Variants in WIF1 observed in about 807,000 individuals in gnomAD.
The protein encoded by WIF1 is Wnt inhibitory factor 1.
WIF1 carries 35 observed loss-of-function variants against 53.5 expected under a neutral mutation model. That is an observed-to-expected ratio of 0.65 (90% confidence interval 0.50 to 0.87). WIF1 has a LOEUF of 0.87. Ranked by LOEUF, WIF1 falls within the 40% of genes least tolerant of loss-of-function variation. The pLI is 0.00. For synonymous variants in WIF1, 171 were observed against 170.4 expected (o/e 1.00, Z -0.03); for missense variants, 467 against 476.8 (o/e 0.98, Z 0.19).
intron 7 of WIF1, among the ~76,000 whole-genome samples, chr12:65,056,471 C>T (rs1193653109): frequency 2.8e-5 from 4 of 142,242 alleles, no homozygotes; most frequent in Admixed American, 7.5e-5. Flanking sequence ...GTGATCCGCC[C>T]GCCTTGGCCT....
chr12:65,111,414 C>T (rs1040005282), intron 2 of WIF1, among the ~76,000 whole-genome samples: 2 of 152,124 alleles, frequency 1.3e-5, no homozygotes, highest in Admixed American at 6.5e-5. Flanking sequence ...TAGAAGATAG[C>T]CCTGGTTACC....
chr12:65,110,398 TA>T (rs1373915120), intron 2 of WIF1, among the ~76,000 whole-genome samples: 1 of 152,166 alleles, frequency 6.6e-6, no homozygotes, highest in Non-Finnish European at 1.5e-5. Flanking sequence ...CTCAGCTCAT[TA>T]AACAGCTTCA....
chr12:65,116,622 C>A (rs904618912), intron 2 of WIF1, among the ~76,000 whole-genome samples: 3 of 151,182 alleles, frequency 2.0e-5, no homozygotes, highest in African/African-American at 7.3e-5. Flanking sequence ...CTGAAACCAT[C>A]CCCCATCCTG....
rs553890129 is a variant in WIF1, at chr12:65,087,927, T to C, written c.289-10073A>G. Among the ~76,000 whole-genome samples, 5 of 152,314 alleles carry C rather than the reference T, an allele frequency of 3.3e-5. No homozygotes were observed. The South Asian group carries it at 1.0e-3, about 32-fold the overall frequency. ...GAACAGTCATGTATTTGATAAATTT[T>C]ATTTTACACTTTAGAAAAAGTCATT... On this transcript the variant is annotated intron_variant, in intron 2 of 9. Coordinates refer to ENST00000286574, the MANE Select transcript of WIF1 (RefSeq NM_007191.5).
At chr12:65,117,850 G>A (rs1229071422) in intron 2 of WIF1, among the ~76,000 whole-genome samples, 1 of 152,188 alleles carries the variant, frequency 6.6e-6, no homozygotes, top group African/African-American at 2.4e-5. Flanking sequence ...CTGACAGGAG[G>A]CGGAGCTTAG....
chr12:65,064,664 A>T (rs1334828605), intron 6 of WIF1, among the ~76,000 whole-genome samples: 1 of 152,194 alleles, frequency 6.6e-6, no homozygotes. Context: ...AGAATAAAAA[A>T]ATTACTGGAG....
intron 3 of WIF1, among the ~76,000 whole-genome samples, chr12:65,071,800 A>G (rs1349760636): frequency 6.6e-6 from 1 of 152,194 alleles, no homozygotes; most frequent in South Asian, 2.1e-4. Flanking sequence ...AGAACTAGGA[A>G]ATAAAGTTTA....
chr12:65,109,851 G>A (rs1883404035), intron 2 of WIF1, among the ~76,000 whole-genome samples: 1 of 152,184 alleles, frequency 6.6e-6, no homozygotes, highest in African/African-American at 2.4e-5. Context: ...AAGATTCACT[G>A]TAAAGCACTT....
At chr12:65,086,550 C>T (rs567194554) in intron 2 of WIF1, among the ~76,000 whole-genome samples, 8 of 151,996 alleles carry the variant, frequency 5.3e-5, no homozygotes, top group African/African-American at 9.7e-5. Context: ...GAGAGCACAA[C>T]GACACATTTC....
chr12:65,055,336 T>C, intron 8 of WIF1, 123 bp from the exon 9 acceptor site: 1 of 1,072,326 alleles, frequency 9.3e-7, no homozygotes, highest in South Asian at 1.8e-5. Flanking sequence ...TAATTTTTTT[T>C]CCTAAGTCAG....
intron 2 of WIF1, among the ~76,000 whole-genome samples, chr12:65,090,317 G>A (rs1883103816): frequency 6.6e-6 from 1 of 152,108 alleles, no homozygotes; most frequent in Admixed American, 6.6e-5. Flanking sequence ...TTTACTAGCT[G>A]GCCTTGGGTA....
rs184997721 is a variant in WIF1, at chr12:65,063,409, G to T, written c.731-833C>A. Among the ~76,000 whole-genome samples, 37 of 152,314 alleles carry T rather than the reference G, an allele frequency of 2.4e-4. 1 individual carries two copies. The East Asian group carries it at 7.1e-3, about 29-fold the overall frequency. ...CTCATTCTATAAAGGAAATTAAAAT[G>T]AGAGCTTGGATTTTTAGCAATTCCA... is the stretch of plus-strand genomic sequence containing the variant. On this transcript the variant is annotated intron_variant, in intron 6 of 9. Coordinates refer to ENST00000286574, the MANE Select transcript of WIF1 (RefSeq NM_007191.5).
intron 2 of WIF1, among the ~76,000 whole-genome samples, chr12:65,108,709 GTCCTTAGTCAAGCATCCCATCATCTACC>G (rs542602634): frequency 7.9e-5 from 12 of 152,020 alleles, no homozygotes; most frequent in Non-Finnish European, 1.5e-4. Flanking sequence ...TTGGCTCCTT[GTCCTTAGTCAAGCATCCCATCATCTACC>G]TCCATCCGTC....
intron 2 of WIF1, among the ~76,000 whole-genome samples, chr12:65,102,972 G>T (rs910000540): frequency 2.0e-5 from 3 of 152,060 alleles, no homozygotes; most frequent in Non-Finnish European, 2.9e-5. Context: ...TAGATGATGG[G>T]TAAGTATTTC....
At chr12:65,094,508 G>A (rs1018786811) in intron 2 of WIF1, among the ~76,000 whole-genome samples, 38 of 152,130 alleles carry the variant, frequency 2.5e-4, no homozygotes, top group Non-Finnish European at 3.5e-4. Flanking sequence ...AATTAGAAAT[G>A]TGGGTGTTTA....
At chr12:65,118,158 G>T (rs555404874) in intron 2 of WIF1, among the ~76,000 whole-genome samples, 1 of 152,178 alleles carries the variant, frequency 6.6e-6, no homozygotes. Context: ...TTTTGTTTAT[G>T]TATTGTTGAA....
intron 2 of WIF1, among the ~76,000 whole-genome samples, chr12:65,113,093 T>C (rs945974252): frequency 2.6e-5 from 4 of 152,192 alleles, no homozygotes; most frequent in Non-Finnish European, 5.9e-5. Flanking sequence ...ATTGAGTGCT[T>C]GAGTCGGAGA....
chr12:65,118,949 C>A (rs993004373), intron 2 of WIF1, among the ~76,000 whole-genome samples: 1 of 152,098 alleles, frequency 6.6e-6, no homozygotes, highest in African/African-American at 2.4e-5. Flanking sequence ...AGTTACCAAA[C>A]CCTTTCAGAT....
chr12:65,088,568 A>G (rs1046304816), intron 2 of WIF1, among the ~76,000 whole-genome samples: 1 of 152,094 alleles, frequency 6.6e-6, no homozygotes, highest in African/African-American at 2.4e-5. Flanking sequence ...CCTAGTCACT[A>G]TTAAAATTTC....
Sources: allele counts gnomAD v4.1 joint callset (sites outside exome capture counted in the v4.1 genomes callset), GRCh38; gene constraint gnomAD v4.1.1; transcripts MANE v1.5; gene names NCBI Gene and HGNC (gene_info 2026-07-23, HGNC 2026-07-21).